Variants in AR observed in about 807,000 individuals in gnomAD.
AR encodes dihydrotestosterone receptor.
In AR, 8 loss-of-function variants were observed where a neutral mutation model predicts 53.9. That is an observed-to-expected ratio of 0.15 (90% CI 0.09 to 0.27). The LOEUF (loss-of-function observed/expected upper bound fraction) is 0.27, where lower values mean the gene tolerates loss of function less well. Among genes scored for constraint, AR ranks in the 10% least tolerant of loss-of-function variants. The probability of loss-of-function intolerance (pLI) is 1.00; values close to 1 mark genes in which losing one functional copy is unlikely to be tolerated. For synonymous variants in AR, 359 were observed against 316.4 expected (o/e 1.13, Z -1.43); for missense variants, 639 against 742.5 (o/e 0.86, Z 1.62).
At chrX:67,700,044 T>A (rs934981865) in intron 3 of AR, among the ~76,000 whole-genome samples, 6 of 111,168 alleles carry the variant, frequency 5.4e-5, no homozygotes, top group Non-Finnish European at 9.4e-5. Flanking sequence ...AAAAGTTAGT[T>A]CCCCATAGGA....
At chrX:67,664,724 C>T (rs978495713) in intron 2 of AR, among the ~76,000 whole-genome samples, 2 of 112,496 alleles carry the variant, frequency 1.8e-5, no homozygotes, top group Non-Finnish European at 3.8e-5. Context: ...GTGGAGTCTA[C>T]AGAGGCAGGC....
At chrX:67,599,081 A>C (rs1923220622) in intron 1 of AR, among the ~76,000 whole-genome samples, 1 of 111,594 alleles carries the variant, frequency 9.0e-6, no homozygotes, top group African/African-American at 3.3e-5. Context: ...AGAAATATGT[A>C]TGTGTTAGAG....
At chrX:67,650,164 C>T (rs1926266752) in intron 2 of AR, among the ~76,000 whole-genome samples, 1 of 111,738 alleles carries the variant, frequency 8.9e-6, no homozygotes, top group South Asian at 3.7e-4. Context: ...AATGCTATCC[C>T]CATTAAGCTA....
intron 2 of AR, among the ~76,000 whole-genome samples, chrX:67,652,501 T>C (rs1164941728): frequency 8.9e-6 from 1 of 112,302 alleles, no homozygotes; most frequent in Non-Finnish European, 1.9e-5. Flanking sequence ...AACCATTTCA[T>C]GGAAAAGGAA....
chrX:67,632,461 G>A (rs1032494155), intron 1 of AR, among the ~76,000 whole-genome samples: 8 of 112,471 alleles, frequency 7.1e-5, no homozygotes, highest in Non-Finnish European at 9.4e-5. Context: ...GACCCCTTGC[G>A]CTTCCCGAGT....
chrX:67,650,071 A>G (rs921108194), intron 2 of AR, among the ~76,000 whole-genome samples: 1 of 112,153 alleles, frequency 8.9e-6, no homozygotes, highest in African/African-American at 3.2e-5. Context: ...GACACAAACA[A>G]AAGGAGAAAC....
intron 1 of AR, among the ~76,000 whole-genome samples, chrX:67,627,977 TTC>T (rs952368142): frequency 4.5e-5 from 5 of 111,582 alleles, no homozygotes; most frequent in Admixed American, 2.9e-4. Context: ...GAGGGCTCTG[TTC>T]TGTTTCATTG....
chrX:67,670,185 G>T (rs929113917), intron 2 of AR, among the ~76,000 whole-genome samples: 1 of 81,960 alleles, frequency 1.2e-5, no homozygotes, highest in African/African-American at 4.5e-5. Flanking sequence ...TATATATATA[G>T]TGTGTATATA....
intron 3 of AR, among the ~76,000 whole-genome samples, chrX:67,687,412 A>G (rs890146407): frequency 2.2e-4 from 25 of 112,142 alleles, no homozygotes; most frequent in Non-Finnish European, 3.8e-5. Flanking sequence ...GAATCATCTC[A>G]AGTAGCGTCC....
At chrX:67,567,610 T>C (rs949379730) in intron 1 of AR, among the ~76,000 whole-genome samples, 2 of 111,241 alleles carry the variant, frequency 1.8e-5, no homozygotes, top group Non-Finnish European at 3.8e-5. Flanking sequence ...AGACCATGAG[T>C]GAAGAAGACT....
intron 6 of AR, chrX:67,722,188 A>T (rs2076138835): frequency 2.4e-6 from 1 of 411,916 alleles, no homozygotes; most frequent in Non-Finnish European, 4.2e-6. Flanking sequence ...CCTCCATCAG[A>T]TTCCCCACCT....
chrX:67,655,041 T>C (rs1220908780), intron 2 of AR, among the ~76,000 whole-genome samples: 4 of 106,932 alleles, frequency 3.7e-5, no homozygotes, highest in Non-Finnish European at 7.7e-5. Flanking sequence ...CTGCTTCCCA[T>C]AGGTTAACTT....
intron 2 of AR, among the ~76,000 whole-genome samples, chrX:67,671,431 T>C (rs1326868753): frequency 2.7e-5 from 3 of 112,640 alleles, no homozygotes; most frequent in African/African-American, 9.7e-5. Context: ...CTTCACCCAC[T>C]TTTTGATGGA....
chrX:67,699,988 C>A (rs1047067362), intron 3 of AR, among the ~76,000 whole-genome samples: 1 of 111,196 alleles, frequency 9.0e-6, no homozygotes, highest in Non-Finnish European at 1.9e-5. Context: ...ATTTTTTTCT[C>A]TGGTGCTATA....
At chrX:67,641,148 G>C (rs934487234) in intron 1 of AR, among the ~76,000 whole-genome samples, 1 of 111,375 alleles carries the variant, frequency 9.0e-6, no homozygotes, top group Non-Finnish European at 1.9e-5. Flanking sequence ...ACACTTTGGA[G>C]TCAGACTCAC....
chrX:67,678,992 T>C (rs753183442), intron 2 of AR, among the ~76,000 whole-genome samples: 3 of 111,418 alleles, frequency 2.7e-5, no homozygotes, highest in Non-Finnish European at 5.7e-5. Flanking sequence ...TTAATAATAA[T>C]GTATTATATG....
intron 1 of AR, among the ~76,000 whole-genome samples, chrX:67,588,479 G>T (rs1922664203): frequency 1.8e-5 from 2 of 111,971 alleles, no homozygotes; most frequent in Non-Finnish European, 1.9e-5. Flanking sequence ...GTCATGCCCA[G>T]CCTGGGATCA....
At chrX:67,709,248 C>G (rs1049853909) in intron 3 of AR, among the ~76,000 whole-genome samples, 7 of 112,260 alleles carry the variant, frequency 6.2e-5, no homozygotes, top group Non-Finnish European at 1.1e-4. Context: ...GTGGAGTCTA[C>G]AGAGGCATGC....
At chrX:67,612,895 A>G (rs1923945018) in intron 1 of AR, among the ~76,000 whole-genome samples, 1 of 111,432 alleles carries the variant, frequency 9.0e-6, no homozygotes, top group South Asian at 3.8e-4. Flanking sequence ...CTCTCTCAAA[A>G]TCTTACTCCA....
Sources: gnomAD v4.1 joint callset for allele counts (sites outside exome capture counted in the v4.1 genomes callset) on GRCh38, gnomAD v4.1.1 for gene constraint, MANE v1.5 for transcripts, NCBI Gene and HGNC (gene_info 2026-07-23, HGNC 2026-07-21) for gene names.